Variants in OSBPL3 observed in about 807,000 individuals in gnomAD.
The protein encoded by OSBPL3 is oxysterol-binding protein-related protein 3.
OSBPL3 carries 65 observed loss-of-function variants against 120.1 expected under a neutral mutation model. That is an observed-to-expected ratio of 0.54 (90% CI 0.44 to 0.67). The LOEUF is 0.67. OSBPL3 is among the 30% of genes least tolerant of loss of function. OSBPL3 has a pLI of 0.00. For synonymous variants in OSBPL3, 416 were observed against 402.6 expected, an observed-to-expected ratio of 1.03 and a Z score of -0.40; for missense variants, 1,004 against 1,082.1, an observed-to-expected ratio of 0.93 and a Z score of 1.01.
intron 1 of OSBPL3, among the ~76,000 whole-genome samples, chr7:24,926,516 C>T (rs139502828): frequency 4.5e-4 from 68 of 152,282 alleles, no homozygotes; most frequent in Non-Finnish European, 4.6e-4. Context: ...CTCAATTACC[C>T]CCACTTTTCA....
chr7:24,924,643 G>T (rs1381263348), intron 1 of OSBPL3, among the ~76,000 whole-genome samples: 4 of 152,160 alleles, frequency 2.6e-5, no homozygotes, highest in African/African-American at 9.7e-5. Flanking sequence ...ATACTCTGAT[G>T]GGCTACTCGC....
chr7:24,806,994 A>AT lies in OSBPL3; in HGVS notation c.2318-93dup. The AT allele has an allele frequency of 8.9e-7, 1 of 1,129,746 alleles. No individual in the cohort carries two copies. The highest frequency in any genetic ancestry group is 1.2e-6 in the Non-Finnish European group (1 of 800,766). 70.0% of individuals were successfully genotyped at this position (1,129,746 alleles called of 1,614,324 possible). On this transcript the variant is annotated intron_variant, in intron 20 of 22. Coordinates refer to ENST00000313367, the MANE Select transcript of OSBPL3 (RefSeq NM_015550.4). The surrounding 1 kb of genome is among the most constrained non-coding windows in gnomAD (Gnocchi z 5.2). The stretch of plus-strand genomic sequence containing the variant: ...CCTTTTTCGTCTCAGCCTAGCTACA[A>AT]TTTTTCTCTCTCAGCTCCCTTCCAT...
In OSBPL3 at chr7:24,845,405, A is replaced by G. The variant is rs975153901; in HGVS notation, c.1267-2992T>C. On this transcript the variant is annotated intron_variant, in intron 12 of 22. Coordinates refer to ENST00000313367, the MANE Select transcript of OSBPL3 (RefSeq NM_015550.4). ...TAAGTAAAAAAAAAAAAAAAAAAAAAAAAAAAAAAGAAAACCCATACCTAT... is the reference window on the plus strand; with the variant it reads ...TAAGTAAAAAAAAAAAAAAAAAAAAGAAAAAAAAAGAAAACCCATACCTAT... Among the ~76,000 whole-genome samples the G allele has an allele frequency of 7.3e-4, 108 of 147,044 alleles. 1 individual carries two copies. The East Asian group carries it at 0.015, about 21-fold the overall frequency.
At position 24,831,293 on chromosome 7, in the gene OSBPL3, A is replaced by T. The variant is rs1796334368; in HGVS notation, c.1747-388T>A. ...AGGGGTGGAGTGGGGAAAGAGTATTAAAAAAGGAGTGTTAAAAAATCCCTC... is the reference window on the plus strand; with the variant it reads ...AGGGGTGGAGTGGGGAAAGAGTATTTAAAAAGGAGTGTTAAAAAATCCCTC... On this transcript the variant is annotated intron_variant, in intron 15 of 22. Coordinates refer to ENST00000313367, the MANE Select transcript of OSBPL3 (RefSeq NM_015550.4). The surrounding 1 kb of genome is among the most constrained non-coding windows in gnomAD (Gnocchi z 4.0). Among the ~76,000 whole-genome samples, 1 of 152,106 alleles carries T rather than the reference A, an allele frequency of 6.6e-6. No homozygotes were observed. Among genetic ancestry groups the T allele is most frequent in the Non-Finnish European group, 1.5e-5 (1 of 68,020 alleles).
intron 1 of OSBPL3, among the ~76,000 whole-genome samples, chr7:24,928,352 C>G (rs1028458043): frequency 2.0e-5 from 3 of 152,060 alleles, no homozygotes; most frequent in Admixed American, 6.5e-5. Context: ...CCACCACACC[C>G]GGCTACTTTT....
In OSBPL3 at chr7:24,916,033, C is replaced by T. The variant is rs772828916; in HGVS notation, c.-149-23412G>A. The stretch of plus-strand genomic sequence containing the variant: ...AAACAAAAATAAAACAAGCAGCATA[C>T]ATCAGAAAGCCAGGCAGGGACAAAG... On this transcript the variant is annotated intron_variant, in intron 1 of 22. Coordinates refer to ENST00000313367, the MANE Select transcript of OSBPL3 (RefSeq NM_015550.4). This position sits in a 1 kb window ranked among gnomAD's most constrained non-coding sequence, Gnocchi z 4.9. Among the ~76,000 whole-genome samples, 14 of 152,138 alleles carry T rather than the reference C, an allele frequency of 9.2e-5. No individual in the cohort carries two copies. Among genetic ancestry groups the T allele is most frequent in the African/African-American group, 3.1e-4 (13 of 41,420 alleles).
At chr7:24,897,628 T>C (rs1806378974) in intron 1 of OSBPL3, among the ~76,000 whole-genome samples, 1 of 152,226 alleles carries the variant, frequency 6.6e-6, no homozygotes, top group Non-Finnish European at 1.5e-5. Flanking sequence ...CCCGGCCAGA[T>C]GGCAGAATCT....
In OSBPL3 at chr7:24,852,927, G is replaced by T. The variant is rs1442229163; in HGVS notation, c.1028-293C>A. Among the ~76,000 whole-genome samples the T allele has an allele frequency of 2.0e-5, 3 of 152,118 alleles. No individual in the cohort carries two copies. The highest frequency in any genetic ancestry group is 2.9e-5 in the Non-Finnish European group (2 of 68,004). ...GCGGGGGGACGGTGCCTACATGGGA[G>T]CAGGGGGCTTATAAAAGCTCTGCAC... On this transcript the variant is annotated intron_variant, in intron 10 of 22. Coordinates refer to ENST00000313367, the MANE Select transcript of OSBPL3 (RefSeq NM_015550.4). This position sits in a 1 kb window ranked among gnomAD's most constrained non-coding sequence, Gnocchi z 4.1.
chr7:24,836,547 TG>T (rs1172777709), intron 14 of OSBPL3, among the ~76,000 whole-genome samples: 1 of 152,240 alleles, frequency 6.6e-6, no homozygotes, highest in Non-Finnish European at 1.5e-5. Context: ...ATTTTAGGTA[TG>T]CCAATCTATC....
chr7:24,810,620 C>T (rs184042184), intron 19 of OSBPL3, among the ~76,000 whole-genome samples: 13 of 152,316 alleles, frequency 8.5e-5, no homozygotes, highest in South Asian at 8.3e-4. Flanking sequence ...TCATGTTGTA[C>T]GATAGATTTC....
At chr7:24,962,656 A>T (rs1434831541) in intron 1 of OSBPL3, among the ~76,000 whole-genome samples, 1 of 152,236 alleles carries the variant, frequency 6.6e-6, no homozygotes, top group East Asian at 1.9e-4. Context: ...GCTAAGAGAC[A>T]CACAGAGAAA....
chr7:24,979,348 A>G (rs1001306077), intron 1 of OSBPL3, among the ~76,000 whole-genome samples: 41 of 151,946 alleles, frequency 2.7e-4, no homozygotes, highest in African/African-American at 9.7e-4. Context: ...TTCAGACAAG[A>G]AAGGAATGTG....
At chr7:24,811,454 C>T (rs1486809581) in intron 19 of OSBPL3, among the ~76,000 whole-genome samples, 1 of 152,140 alleles carries the variant, frequency 6.6e-6, no homozygotes, top group East Asian at 1.9e-4. Context: ...TTCTCCTATT[C>T]TACAGATTGT....
intron 19 of OSBPL3, among the ~76,000 whole-genome samples, chr7:24,810,624 A>G (rs867257842): frequency 2.0e-5 from 3 of 152,230 alleles, no homozygotes; most frequent in Non-Finnish European, 2.9e-5. Flanking sequence ...GTTGTACGAT[A>G]GATTTCTTGA....
At chr7:24,928,559 C>T (rs939207776) in intron 1 of OSBPL3, among the ~76,000 whole-genome samples, 2 of 152,130 alleles carry the variant, frequency 1.3e-5, no homozygotes, top group Non-Finnish European at 2.9e-5. Context: ...TACAGCACCC[C>T]TTTTAAGTGT....
At chr7:24,812,304 C>CAAAAAA (rs57963279) in intron 19 of OSBPL3, among the ~76,000 whole-genome samples, 13 of 97,002 alleles carry the variant, frequency 1.3e-4, no homozygotes, top group Non-Finnish European at 1.7e-4. Flanking sequence ...GACTCCATCT[C>CAAAAAA]AAAAAAAAAA....
intron 1 of OSBPL3, among the ~76,000 whole-genome samples, chr7:24,897,320 CTTTTTTT>C (rs35715609): frequency 3.9e-5 from 4 of 102,290 alleles, no homozygotes; most frequent in African/African-American, 8.7e-5. Context: ...ATGGCAGAAT[CTTTTTTT>C]TTTTTTTTTT....
At chr7:24,823,684 C>T (rs1184781622) in intron 16 of OSBPL3, among the ~76,000 whole-genome samples, 1 of 152,136 alleles carries the variant, frequency 6.6e-6, no homozygotes, top group Non-Finnish European at 1.5e-5. Context: ...TGTGAGGATC[C>T]CTCTTGGCTT....
intron 2 of OSBPL3, among the ~76,000 whole-genome samples, chr7:24,882,637 G>A (rs952152121): frequency 3.9e-5 from 6 of 152,148 alleles, no homozygotes; most frequent in Admixed American, 1.3e-4. Flanking sequence ...TAGTTCTTTA[G>A]TTCTTTGGGA....
Sources: gnomAD v4.1 joint callset for allele counts (sites outside exome capture counted in the v4.1 genomes callset) on GRCh38, gnomAD v4.1.1 for gene constraint, Gnocchi (gnomAD v3.1) non-coding constraint, MANE v1.5 for transcripts, NCBI Gene and HGNC (gene_info 2026-07-23, HGNC 2026-07-21) for gene names.